KCNAB1: variants seen among roughly 807,000 people sequenced by gnomAD.
The protein encoded by KCNAB1 is voltage-gated potassium channel subunit beta-1.
Under a neutral mutation model 64.6 loss-of-function variants are expected in KCNAB1, and 35 were observed. The ratio of observed to expected loss-of-function variants is 0.54; its 90% CI spans 0.41 to 0.72. The LOEUF is 0.72. Among genes scored for constraint, KCNAB1 ranks in the 30% least tolerant of loss-of-function variants. KCNAB1 has a pLI of 0.00. For synonymous variants in KCNAB1, 177 were observed against 183.8 expected (o/e 0.96, Z 0.30); for missense variants, 401 against 512.9 (o/e 0.78, Z 2.11).
intron 1 of KCNAB1, among the ~76,000 whole-genome samples, chr3:156,121,716 T>C (rs1038384038): frequency 6.6e-6 from 1 of 152,192 alleles, no homozygotes; most frequent in Non-Finnish European, 1.5e-5. Context: ...TAAATGGTAA[T>C]AAAAATTCCT....
intron 1 of KCNAB1, among the ~76,000 whole-genome samples, chr3:156,331,420 AG>A (rs1723321207): frequency 6.6e-6 from 1 of 152,206 alleles, no homozygotes; most frequent in Non-Finnish European, 1.5e-5. Flanking sequence ...AGATTCTAAC[AG>A]TGCATGGCAA....
intron 1 of KCNAB1, among the ~76,000 whole-genome samples, chr3:156,152,193 C>G (rs1235751103): frequency 6.6e-6 from 1 of 152,192 alleles, no homozygotes; most frequent in Admixed American, 6.5e-5. Flanking sequence ...TAAATCCGGT[C>G]CCCTGTGTCC....
intron 3 of KCNAB1, chr3:156,457,088 G>A: frequency 4.6e-6 from 2 of 432,412 alleles, no homozygotes; most frequent in Non-Finnish European, 6.4e-6. Flanking sequence ...TTGGAGAAAG[G>A]AGTTGAGGAA....
At chr3:156,426,448 G>A (rs1486511893) in intron 2 of KCNAB1, among the ~76,000 whole-genome samples, 1 of 152,172 alleles carries the variant, frequency 6.6e-6, no homozygotes, top group Non-Finnish European at 1.5e-5. Context: ...TGGCACATTT[G>A]TTACCTCTGA....
intron 7 of KCNAB1, among the ~76,000 whole-genome samples, chr3:156,472,288 TTGTC>T (rs1472033006): frequency 5.3e-5 from 8 of 152,170 alleles, no homozygotes; most frequent in African/African-American, 1.4e-4. Context: ...CTCACTAACT[TTGTC>T]TGAGCTGGAT....
At chr3:156,326,820 C>G (rs1477852858) in intron 1 of KCNAB1, among the ~76,000 whole-genome samples, 1 of 152,114 alleles carries the variant, frequency 6.6e-6, no homozygotes, top group African/African-American at 2.4e-5. Context: ...TAATCACTGT[C>G]ATTGTCTATC....
rs146056007 is a variant in KCNAB1 at position 156,226,334 on chromosome 3, G to A, written c.275+105448G>A. Among the ~76,000 whole-genome samples the A allele has an allele frequency of 3.9e-5, 6 of 152,170 alleles. No individual in the cohort carries two copies. The East Asian group carries it at 9.6e-4, about 24-fold the overall frequency. ...AGAAAGGATACCCTACTCAACAAAC[G>A]GTGCTGGGATAATTGGCTAGCTACA... On this transcript the variant is annotated intron_variant, in intron 1 of 13. Coordinates refer to ENST00000490337, the MANE Select transcript of KCNAB1 (RefSeq NM_172160.3).
At chr3:156,323,727 C>G (rs1275157828) in intron 1 of KCNAB1, among the ~76,000 whole-genome samples, 2 of 152,102 alleles carry the variant, frequency 1.3e-5, no homozygotes, top group Non-Finnish European at 2.9e-5. Context: ...ATATTGGGTT[C>G]CTGTTATTAT....
At chr3:156,274,605 CAA>C (rs1476631466) in intron 1 of KCNAB1, among the ~76,000 whole-genome samples, 1 of 151,994 alleles carries the variant, frequency 6.6e-6, no homozygotes, top group Admixed American at 6.6e-5. Flanking sequence ...GTGATGTAGT[CAA>C]AAGTGTCTTT....
intron 1 of KCNAB1, chr3:156,176,179 G>T: frequency 1.3e-6 from 1 of 774,220 alleles, no homozygotes; most frequent in Admixed American, 1.7e-5. Flanking sequence ...CAAGAGATAA[G>T]AACCTTCAGA....
At chr3:156,343,384 C>A (rs1260413516) in intron 1 of KCNAB1, among the ~76,000 whole-genome samples, 1 of 152,158 alleles carries the variant, frequency 6.6e-6, no homozygotes, top group Non-Finnish European at 1.5e-5. Flanking sequence ...GGCCACAGAT[C>A]CCCTACCTGA....
At chr3:156,507,946 G>A (rs1431267873) in intron 8 of KCNAB1, among the ~76,000 whole-genome samples, 1 of 152,112 alleles carries the variant, frequency 6.6e-6, no homozygotes, top group Non-Finnish European at 1.5e-5. Flanking sequence ...AGTGTCTAAA[G>A]TGGTGCCTTT....
intron 1 of KCNAB1, among the ~76,000 whole-genome samples, chr3:156,335,605 A>G (rs1394060299): frequency 6.6e-6 from 1 of 152,236 alleles, no homozygotes; most frequent in Non-Finnish European, 1.5e-5. Flanking sequence ...CTAGATTTCC[A>G]GGTAAGGAAG....
At chr3:156,511,381 G>T (rs959256554) in intron 8 of KCNAB1, among the ~76,000 whole-genome samples, 7 of 152,166 alleles carry the variant, frequency 4.6e-5, no homozygotes, top group African/African-American at 2.4e-5. Flanking sequence ...GGGATTACAG[G>T]TGTGAGCCAC....
chr3:156,259,145 C>G (rs531037142), intron 1 of KCNAB1, among the ~76,000 whole-genome samples: 1 of 152,266 alleles, frequency 6.6e-6, no homozygotes, highest in Non-Finnish European at 1.5e-5. Flanking sequence ...ATTTCAACAC[C>G]CTGGCAGCTA....
chr3:156,496,064 A>G (rs570136701), intron 8 of KCNAB1, among the ~76,000 whole-genome samples: 1 of 152,212 alleles, frequency 6.6e-6, no homozygotes, highest in African/African-American at 2.4e-5. Context: ...GCACAAGGAA[A>G]TGTGTTTGTG....
At chr3:156,334,289 G>A (rs73873313) in intron 1 of KCNAB1, among the ~76,000 whole-genome samples, 1 of 152,306 alleles carries the variant, frequency 6.6e-6, no homozygotes, top group African/African-American at 2.4e-5. Context: ...ACCATCAGTA[G>A]GTAACCTTCC....
chr3:156,176,247 G>C lies in KCNAB1; in HGVS notation c.275+55361G>C, dbSNP rs963573559. On this transcript the variant is annotated intron_variant, in intron 1 of 13. Coordinates refer to ENST00000490337, the MANE Select transcript of KCNAB1 (RefSeq NM_172160.3). The stretch of plus-strand genomic sequence containing the variant: ...GGCCTGTCATGGTGTAGGTTAGTTT[G>C]TTCTGGCACAGGTCCCAGACCTTGA... The C allele has an allele frequency of 6.1e-6, 5 of 813,890 alleles. No homozygotes were observed. In the African/African-American group the frequency reaches 8.4e-5, roughly 14 times the overall value. The allele number at this position is 813,890 out of a possible 1,614,324, so 50.4% of individuals were successfully genotyped here.
chr3:156,198,497 G>GTTAGCTCTTCTTGTTGAATTGCAT (rs1714104395), intron 1 of KCNAB1, among the ~76,000 whole-genome samples: 1 of 152,008 alleles, frequency 6.6e-6, no homozygotes, highest in Admixed American at 6.6e-5. Flanking sequence ...GTATATTTAG[G>GTTAGCTCTTCTTGTTGAATTGCAT]GTAGTTAGCT....
Sources: allele counts gnomAD v4.1 joint callset (sites outside exome capture counted in the v4.1 genomes callset), GRCh38; gene constraint gnomAD v4.1.1; transcripts MANE v1.5; gene names NCBI Gene and HGNC (gene_info 2026-07-23, HGNC 2026-07-21).